ZDHHC11B: variants seen among roughly 807,000 people sequenced by gnomAD.
ZDHHC11B encodes the protein zDHHC palmitoyltransferase 11B (putative), also known as probable palmitoyltransferase ZDHHC11B.
In ZDHHC11B, 17 loss-of-function variants were observed where a neutral mutation model predicts 42.3. The ratio of observed to expected loss-of-function variants is 0.40; its 90% CI spans 0.27 to 0.60. The LOEUF (loss-of-function observed/expected upper bound fraction) is 0.60, where lower values mean the gene tolerates loss of function less well. ZDHHC11B is among the 20% of genes least tolerant of loss of function. The pLI, the probability that ZDHHC11B is intolerant of heterozygous loss-of-function variation, is 0.41. For synonymous variants in ZDHHC11B, 123 were observed against 193.5 expected (o/e 0.64, Z 3.02); for missense variants, 262 against 463.2 (o/e 0.57, Z 3.99).
intron 12 of ZDHHC11B, among the ~76,000 whole-genome samples, chr5:728,316 C>G (rs413923): frequency 7.0e-6 from 1 of 143,320 alleles, no homozygotes; most frequent in Admixed American, 7.0e-5. Context: ...GTAAAGTAAG[C>G]AAAAAGAAAC....
intron 1 of ZDHHC11B, among the ~76,000 whole-genome samples, 43 bp downstream of exon 1, chr5:784,625 C>T (rs1292275094): frequency 1.3e-5 from 2 of 151,818 alleles, no homozygotes; most frequent in East Asian, 1.9e-4. Context: ...CCCCGGGTGC[C>T]CCCCGCGCCG....
intron 12 of ZDHHC11B, among the ~76,000 whole-genome samples, chr5:728,829 G>A (rs2126994486): frequency 6.6e-6 from 1 of 151,900 alleles, no homozygotes; most frequent in Admixed American, 6.6e-5. Context: ...CGAGACCAGT[G>A]TGGGCAACAT....
intron 12 of ZDHHC11B, among the ~76,000 whole-genome samples, chr5:717,568 C>T (rs1370741593): frequency 1.3e-5 from 2 of 151,824 alleles, no homozygotes; most frequent in Admixed American, 6.6e-5. Context: ...GCGTATCCAT[C>T]ACATGCTATA....
intron 9 of ZDHHC11B, among the ~76,000 whole-genome samples, chr5:742,370 TTGTG>T (rs1315072380): frequency 6.8e-6 from 1 of 146,228 alleles, no homozygotes. Context: ...TGAAAGCTCT[TTGTG>T]TCTTTGTGTA....
At chr5:746,714 A>G (rs1291159045) in intron 8 of ZDHHC11B, among the ~76,000 whole-genome samples, 1 of 150,416 alleles carries the variant, frequency 6.6e-6, no homozygotes, top group East Asian at 2.0e-4. Flanking sequence ...CTCTCCCCGC[A>G]GCGTGCAGGT....
intron 4 of ZDHHC11B, among the ~76,000 whole-genome samples, chr5:763,860 C>T (rs867518640): frequency 5.9e-5 from 9 of 151,924 alleles, no homozygotes; most frequent in Middle Eastern, 3.4e-3. Flanking sequence ...TCCCGATGTC[C>T]GAGATTTTTA....
chr5:715,361 C>T (rs1468531857), intron 13 of ZDHHC11B, among the ~76,000 whole-genome samples: 2 of 151,096 alleles, frequency 1.3e-5, no homozygotes, highest in Non-Finnish European at 2.9e-5. Context: ...TTTCACTGTT[C>T]CACACAAAGG....
chr5:756,919 C>T (rs1442294100), intron 4 of ZDHHC11B, among the ~76,000 whole-genome samples: 1 of 151,730 alleles, frequency 6.6e-6, no homozygotes, highest in Non-Finnish European at 1.5e-5. Flanking sequence ...TCAGGGAGCC[C>T]AGACTCACTC....
chr5:764,661 C>T (rs572982080), intron 4 of ZDHHC11B, among the ~76,000 whole-genome samples: 11 of 152,010 alleles, frequency 7.2e-5, no homozygotes, highest in Non-Finnish European at 1.2e-4. Flanking sequence ...TGGGCTCCTG[C>T]GCAGCCCGAG....
chr5:766,684 G>T lies in ZDHHC11B; in HGVS notation c.222+14C>A. The T allele has an allele frequency of 6.3e-7, 1 of 1,598,492 alleles. No homozygotes were observed. The highest frequency in any genetic ancestry group is 1.1e-5 in the South Asian group (1 of 89,308). ...ACCCCTCCCGCTTAGACCATGCCAC[G>T]ATGAAAAGGATACCACATAGGCGAT... On this transcript the variant is annotated intron_variant, in intron 4 of 13. Transcript: ENST00000508859.
Position 763,671 on chromosome 5 carries a change from C to T in ZDHHC11B, c.222+3027G>A, listed in dbSNP as rs377734300. Among the ~76,000 whole-genome samples, 16 of 151,774 alleles carry T rather than the reference C, an allele frequency of 1.1e-4. 1 individual carries two copies. Among genetic ancestry groups the T allele is most frequent in the South Asian group, 4.2e-4 (2 of 4,794 alleles). ...GCACGTGGGCTCCTGATGTGAGCCA[C>T]GCATCTGTAGAGACTTGTTTCGAAA... On this transcript the variant is annotated intron_variant, in intron 4 of 13. Coordinates refer to ENST00000508859, the MANE Select transcript of ZDHHC11B (RefSeq NM_001351303.2).
At chr5:717,001 C>G in intron 12 of ZDHHC11B, 136 bp from the exon 13 acceptor site, 1 of 1,299,524 alleles carries the variant, frequency 7.7e-7, no homozygotes, top group Non-Finnish European at 1.1e-6. Context: ...CACTTCACCT[C>G]TCTGAGTTTC....
chr5:763,437 G>A (rs1353019969), intron 4 of ZDHHC11B, among the ~76,000 whole-genome samples: 1 of 151,418 alleles, frequency 6.6e-6, no homozygotes, highest in Non-Finnish European at 1.5e-5. Flanking sequence ...CAAGAAAACA[G>A]AGAAACAGAA....
chr5:720,406 C>T lies in ZDHHC11B; in HGVS notation c.1059-3541G>A, dbSNP rs144103459. 1.3e-3 allele frequency among the ~76,000 whole-genome samples: 200 copies of T among 151,792 alleles called. 6 individuals are homozygous for T. Among genetic ancestry groups the T allele is most frequent in the African/African-American group, 4.7e-3 (193 of 41,244 alleles). On this transcript the variant is annotated intron_variant, in intron 12 of 13. Transcript: ENST00000508859. ...CTGGAAGGTGGAAAATACCTGGCAA[C>T]CAAGAGTTCTATATGGGACAAATCT...
chr5:748,674 G>C lies in ZDHHC11B; in HGVS notation c.629-115C>G, dbSNP rs1409188995. 6.2e-6 allele frequency: 7 copies of C among 1,136,392 alleles called. 2 individuals are homozygous for C. The highest frequency in any genetic ancestry group is 8.3e-6 in the Non-Finnish European group (7 of 844,422). 70.4% of individuals were successfully genotyped at this position (1,136,392 alleles called of 1,614,324 possible). A position where few individuals can be genotyped will look rare whatever the true frequency, so the allele number is the denominator to read the frequency against. ...GGGGCGGCGTGGAGACAGCCAGCACGAGGGATGCCTCCCTGCCCTGGTGGA... is the reference window on the plus strand; with the variant it reads ...GGGGCGGCGTGGAGACAGCCAGCACCAGGGATGCCTCCCTGCCCTGGTGGA... On this transcript the variant is annotated intron_variant, in intron 7 of 13. Transcript: ENST00000508859.
chr5:766,809 G>A lies in ZDHHC11B; in HGVS notation c.111C>T (p.Pro37=). The change falls in exon 4 of 14, where the codon CCC becomes CCT. Residue 37 remains proline (P), a synonymous_variant. Transcript: ENST00000508859. The part of the protein sequence containing the change: ...RISRVNGWSL[P]LHYFRVVTWA... ...AAGTCACCACCCGGAAGTAGTGCAG[G>A]GGTAACGACCAGCCGTTCACTCTGG... The A allele has an allele frequency of 3.7e-6, 6 of 1,612,714 alleles. 1 individual carries two copies. Among genetic ancestry groups the A allele is most frequent in the South Asian group, 2.2e-5 (2 of 90,932 alleles).
intron 12 of ZDHHC11B, among the ~76,000 whole-genome samples, chr5:726,823 A>AT (rs1280433157): frequency 4.0e-5 from 4 of 99,448 alleles, no homozygotes; most frequent in South Asian, 7.1e-4. Flanking sequence ...TAAAACATAT[A>AT]TTTTTTTTCA....
chr5:760,216 C>T (rs1419557737), intron 4 of ZDHHC11B, among the ~76,000 whole-genome samples: 1 of 151,822 alleles, frequency 6.6e-6, no homozygotes, highest in Non-Finnish European at 1.5e-5. Flanking sequence ...AGGGTCGACT[C>T]GATCCCCCAC....
Position 748,392 on chromosome 5 carries a change from TG to T in ZDHHC11B, c.784+11del, listed in dbSNP as rs772443917. The T allele has an allele frequency of 7.5e-6, 10 of 1,336,144 alleles. No individual in the cohort carries two copies. In the African/African-American group the frequency reaches 1.1e-4, roughly 15 times the overall value. 82.8% of individuals were successfully genotyped at this position (1,336,144 alleles called of 1,614,324 possible). On this transcript the variant is annotated intron_variant, in intron 8 of 13. Coordinates refer to ENST00000508859, the MANE Select transcript of ZDHHC11B (RefSeq NM_001351303.2). ...GCTTGGGGGGATCGGGGGCTTAGGG[TG>T]GGGGACATACTCAGGTAGATGTGGA...
Sources: allele counts gnomAD v4.1 joint callset (sites outside exome capture counted in the v4.1 genomes callset), GRCh38; gene constraint gnomAD v4.1.1; transcripts MANE v1.5; gene names NCBI Gene and HGNC (gene_info 2026-07-23, HGNC 2026-07-21).